Variants in ASAP2 observed in about 807,000 individuals in gnomAD.
The protein encoded by ASAP2 is ArfGAP with SH3 domain, ankyrin repeat and PH domain 2.
ASAP2 carries 45 observed loss-of-function variants against 131.4 expected under a neutral mutation model. The ratio of observed to expected loss-of-function variants is 0.34; its 90% confidence interval spans 0.27 to 0.44. The LOEUF (loss-of-function observed/expected upper bound fraction) is 0.44. Ranked by LOEUF, ASAP2 falls within the 20% of genes least tolerant of loss-of-function variation. The pLI is 1.00. For synonymous variants in ASAP2, 510 were observed against 503.0 expected (o/e 1.01, Z -0.19); for missense variants, 1,011 against 1,297.0 (o/e 0.78, Z 3.39).
At chr2:9,379,899 G>A (rs1674694523) in intron 19 of ASAP2, among the ~76,000 whole-genome samples, 1 of 151,778 alleles carries the variant, frequency 6.6e-6, no homozygotes, top group Non-Finnish European at 1.5e-5. Context: ...GGCTGAGGCA[G>A]GAGAATCACT....
At chr2:9,299,147 A>G (rs1201876736) in intron 3 of ASAP2, among the ~76,000 whole-genome samples, 1 of 152,192 alleles carries the variant, frequency 6.6e-6, no homozygotes, top group Non-Finnish European at 1.5e-5. Flanking sequence ...TCTAAAGGCA[A>G]TTTCTAAAAA....
intron 12 of ASAP2, among the ~76,000 whole-genome samples, chr2:9,351,296 A>G (rs1353160357): frequency 6.6e-6 from 1 of 152,192 alleles, no homozygotes; most frequent in Non-Finnish European, 1.5e-5. Flanking sequence ...TGCTAAAATG[A>G]GGGTCTTCAA....
chr2:9,355,171 A>C (rs1161612322), intron 12 of ASAP2, among the ~76,000 whole-genome samples: 1 of 152,096 alleles, frequency 6.6e-6, no homozygotes, highest in African/African-American at 2.4e-5. Context: ...TAAAAATCTT[A>C]CTCAGATTTT....
chr2:9,292,505 G>A (rs1359553029), intron 2 of ASAP2, among the ~76,000 whole-genome samples: 1 of 152,138 alleles, frequency 6.6e-6, no homozygotes, highest in Non-Finnish European at 1.5e-5. Flanking sequence ...GTGACAGAGT[G>A]AGATTCTATC....
chr2:9,280,287 G>A (rs1218110497), intron 2 of ASAP2, among the ~76,000 whole-genome samples: 1 of 152,174 alleles, frequency 6.6e-6, no homozygotes. Context: ...GACAGGGAGT[G>A]CCTTAGATGG....
At chr2:9,318,468 T>C in intron 3 of ASAP2, 56 bp from the exon 4 acceptor site, 1 of 1,315,724 alleles carries the variant, frequency 7.6e-7, no homozygotes, top group South Asian at 1.2e-5. Flanking sequence ...TTGCTGTCCT[T>C]ACTTTAGATT....
intron 2 of ASAP2, among the ~76,000 whole-genome samples, chr2:9,290,890 A>G (rs1667767202): frequency 1.3e-5 from 2 of 152,230 alleles, no homozygotes; most frequent in South Asian, 4.1e-4. Flanking sequence ...GACCTAGTAT[A>G]TAACAGCCTT....
intron 16 of ASAP2, among the ~76,000 whole-genome samples, chr2:9,373,660 A>G (rs1674159223): frequency 6.6e-6 from 1 of 152,256 alleles, no homozygotes; most frequent in African/African-American, 2.4e-5. Flanking sequence ...CAGCTGAGTG[A>G]GAGAGCGGAG....
At chr2:9,390,091 A>G (rs1675604200) in intron 22 of ASAP2, among the ~76,000 whole-genome samples, 1 of 152,134 alleles carries the variant, frequency 6.6e-6, no homozygotes, top group South Asian at 2.1e-4. Context: ...TGGTTTCCCG[A>G]AGTCTTGGAA....
rs1368235858 is a variant in ASAP2 at position 9,385,250 on chromosome 2, C to T, written c.2022C>T (p.Thr674=). ...CCATCCCTCTGTTCTCTCAGCTGAC[C>T]CAAGCCTTATCTGGAAGATTTAATT... ...LKHEHCEELL[T]QALSGRFNSH... The change falls in exon 21 of 28, where the codon ACC becomes ACT. Residue 674 remains threonine (T), a synonymous_variant. Coordinates refer to ENST00000281419, the MANE Select transcript of ASAP2 (RefSeq NM_003887.3). 6.2e-7 allele frequency: 1 copy of T among 1,613,120 alleles called. No homozygotes were observed. Among genetic ancestry groups the T allele is most frequent in the Admixed American group, 1.7e-5 (1 of 60,022 alleles).
At chr2:9,395,073 C>T (rs747144150) in intron 24 of ASAP2, among the ~76,000 whole-genome samples, 4 of 152,156 alleles carry the variant, frequency 2.6e-5, no homozygotes, top group East Asian at 1.9e-4. Flanking sequence ...GAAGCTGGCA[C>T]GGAATGACTT....
intron 6 of ASAP2, among the ~76,000 whole-genome samples, chr2:9,323,705 T>C (rs1444714223): frequency 3.9e-5 from 6 of 152,144 alleles, no homozygotes. Flanking sequence ...TGTTTTGACT[T>C]CCTGCTAGAC....
At chr2:9,354,573 G>A (rs1672564408) in intron 12 of ASAP2, among the ~76,000 whole-genome samples, 1 of 151,408 alleles carries the variant, frequency 6.6e-6, no homozygotes, top group Non-Finnish European at 1.5e-5. Flanking sequence ...GGAGATTGAG[G>A]CTGCAGCGAG....
At chr2:9,287,813 A>G (rs1295693615) in intron 2 of ASAP2, among the ~76,000 whole-genome samples, 2 of 152,180 alleles carry the variant, frequency 1.3e-5, no homozygotes, top group Admixed American at 6.5e-5. Flanking sequence ...TGGAATTTAG[A>G]TGGTGACTTG....
chr2:9,286,866 A>T (rs1193274454), intron 2 of ASAP2, among the ~76,000 whole-genome samples: 1 of 152,224 alleles, frequency 6.6e-6, no homozygotes, highest in Admixed American at 6.5e-5. Context: ...TAGATGATAA[A>T]TGATGATAAA....
At chr2:9,263,661 G>C (rs993747707) in intron 1 of ASAP2, among the ~76,000 whole-genome samples, 1 of 152,216 alleles carries the variant, frequency 6.6e-6, no homozygotes, top group Non-Finnish European at 1.5e-5. Context: ...TGTGGGCGCT[G>C]CTTCCTTAAA....
chr2:9,226,087 G>T (rs875054), intron 1 of ASAP2, among the ~76,000 whole-genome samples: 7,415 of 152,304 alleles, frequency 0.049, 480 homozygotes, highest in African/African-American at 0.14. Flanking sequence ...GCTGCCTCAT[G>T]CGAGCTAGTC....
chr2:9,339,282 G>T (rs901075894), intron 9 of ASAP2, among the ~76,000 whole-genome samples: 7 of 152,192 alleles, frequency 4.6e-5, no homozygotes, highest in African/African-American at 1.4e-4. Flanking sequence ...GTTGCCTGGG[G>T]AGCTGTCTAG....
intron 12 of ASAP2, among the ~76,000 whole-genome samples, chr2:9,353,857 C>A (rs1672511415): frequency 6.6e-6 from 1 of 152,144 alleles, no homozygotes; most frequent in African/African-American, 2.4e-5. Context: ...CACCTATAGT[C>A]CAAGCTACTT....
Sources: gnomAD v4.1 joint callset for allele counts (sites outside exome capture counted in the v4.1 genomes callset) on GRCh38, gnomAD v4.1.1 for gene constraint, MANE v1.5 for transcripts, NCBI Gene and HGNC (gene_info 2026-07-23, HGNC 2026-07-21) for gene names.